B3GALNT2: variants seen among roughly 807,000 people sequenced by gnomAD.
The protein encoded by B3GALNT2 is beta-1,3-N-acetylgalactosaminyltransferase 2.
B3GALNT2 carries 53 observed loss-of-function variants against 61.1 expected under a neutral mutation model. The ratio of observed to expected loss-of-function variants is 0.87; its 90% CI spans 0.70 to 1.09. B3GALNT2 has a LOEUF of 1.09. B3GALNT2 is among the 50% of genes least tolerant of loss of function. B3GALNT2 has a pLI of 0.00. For missense variants in B3GALNT2, 544 were observed against 623.0 expected, an observed-to-expected ratio of 0.87 and a Z score of 1.35; for synonymous variants, 223 against 237.4, an observed-to-expected ratio of 0.94 and a Z score of 0.56.
chr1:235,442,814 T>C, downstream of B3GALNT2: 1 of 1,587,874 alleles, frequency 6.3e-7, no homozygotes, highest in Non-Finnish European at 8.6e-7. Flanking sequence ...CATATAATAG[T>C]AGATATCAAT....
At chr1:235,442,008 ATT>A in the B3GALNT2 span, 4,567 of 581,160 alleles carry the variant, frequency 7.9e-3, no homozygotes, top group Middle Eastern at 0.013. Flanking sequence ...TTAAATGAAA[ATT>A]TTTTTTTTTT....
rs1161880688 is a variant in B3GALNT2, at chr1:235,494,765, G to A, written c.176C>T (p.Ser59Leu). The part of the protein sequence containing the change: ...THYDVVVGVL[S>L]ARNNHELRNV... ...TCGAAGTTCATGGTTATTGCGAGCT[G>A]ACAACACGCCAACTACCACATCATA... Residue 59 changes from serine (S) to leucine (L), a missense_variant, in exon 2 of 12, where the codon TCA becomes TTA. Physicochemically the swap from Ser to Leu is moderately radical, Grantham distance 145. Coordinates refer to ENST00000366600, the MANE Select transcript of B3GALNT2 (RefSeq NM_152490.5). The A allele has an allele frequency of 6.2e-7, 1 of 1,611,696 alleles. No homozygotes were observed. Among genetic ancestry groups the A allele is most frequent in the Non-Finnish European group, 8.5e-7 (1 of 1,178,036 alleles).
chr1:235,492,674 G>A (rs916290789), intron 2 of B3GALNT2, among the ~76,000 whole-genome samples: 4 of 152,112 alleles, frequency 2.6e-5, no homozygotes, highest in African/African-American at 9.7e-5. Context: ...CAATACAGAT[G>A]CCAGCTGGTG....
chr1:235,480,820 C>T (rs1229558013), intron 4 of B3GALNT2, among the ~76,000 whole-genome samples: 3 of 137,038 alleles, frequency 2.2e-5, no homozygotes, highest in Non-Finnish European at 4.6e-5. Context: ...GCAGGAGAAT[C>T]GCTTGAACCC....
intron 4 of B3GALNT2, among the ~76,000 whole-genome samples, chr1:235,483,538 G>A (rs530324918): frequency 5.9e-5 from 9 of 152,200 alleles, no homozygotes; most frequent in Admixed American, 2.0e-4. Flanking sequence ...CTGGGAGGCC[G>A]AGAAGGGCAG....
At chr1:235,490,966 G>A (rs996499739) in intron 2 of B3GALNT2, among the ~76,000 whole-genome samples, 1 of 151,932 alleles carries the variant, frequency 6.6e-6, no homozygotes, top group African/African-American at 2.4e-5. Context: ...ATACAAATAA[G>A]GGTTTGGTTT....
the B3GALNT2 span, chr1:235,441,779 G>T: frequency 1.3e-6 from 2 of 1,592,594 alleles, no homozygotes; most frequent in East Asian, 2.2e-5. Context: ...AGTGGCCTTT[G>T]GTTTATCATT....
intron 5 of B3GALNT2, among the ~76,000 whole-genome samples, chr1:235,475,672 G>T (rs988129866): frequency 2.0e-5 from 3 of 152,044 alleles, no homozygotes; most frequent in African/African-American, 4.8e-5. Flanking sequence ...CAACAGGAGA[G>T]AATTTTTTTA....
At chr1:235,445,062 T>A (rs1682153038), downstream of B3GALNT2, among the ~76,000 whole-genome samples, 1 of 152,252 alleles carries the variant, frequency 6.6e-6, no homozygotes, top group Admixed American at 6.5e-5. Context: ...GCTGTTTTTA[T>A]TAATCTTTGG....
chr1:235,460,524 TG>T (rs887362906), intron 7 of B3GALNT2, among the ~76,000 whole-genome samples: 2 of 150,838 alleles, frequency 1.3e-5, no homozygotes, highest in South Asian at 4.2e-4. Context: ...TTCTGAGCAC[TG>T]GGTACCTGGC....
At chr1:235,467,497 T>G (rs1360235860) in intron 6 of B3GALNT2, among the ~76,000 whole-genome samples, 1 of 151,004 alleles carries the variant, frequency 6.6e-6, no homozygotes, top group Non-Finnish European at 1.5e-5. Context: ...TTTTTTTTTT[T>G]TTTTGAGACG....
intron 7 of B3GALNT2, chr1:235,464,850 A>C (rs1683611288): frequency 6.6e-6 from 1 of 152,240 alleles, no homozygotes; most frequent in African/African-American, 2.4e-5. Context: ...TATTATGGAA[A>C]TACGAATAAA....
chr1:235,452,060 T>C (rs992064278), intron 11 of B3GALNT2: 2 of 152,050 alleles, frequency 1.3e-5, no homozygotes, highest in Admixed American at 1.3e-4. Flanking sequence ...TCGCCCAGGC[T>C]GGAGTACAGT....
chr1:235,476,122 T>C (rs1018916914), intron 5 of B3GALNT2, among the ~76,000 whole-genome samples: 20 of 152,148 alleles, frequency 1.3e-4, no homozygotes, highest in Non-Finnish European at 2.9e-5. Context: ...TAACTAGACC[T>C]GGTGGCCAGG....
chr1:235,457,127 TAAATA>T (rs1683202345), intron 8 of B3GALNT2, among the ~76,000 whole-genome samples: 1 of 151,592 alleles, frequency 6.6e-6, no homozygotes, highest in Non-Finnish European at 1.5e-5. Flanking sequence ...AATAAATAAA[TAAATA>T]AATAAATAAT....
intron 7 of B3GALNT2, among the ~76,000 whole-genome samples, chr1:235,459,298 A>G (rs562181021): frequency 6.1e-4 from 93 of 152,330 alleles, no homozygotes; most frequent in African/African-American, 2.1e-3. Flanking sequence ...GACACCACAG[A>G]TATCAATTAT....
At chr1:235,484,248 C>T in intron 4 of B3GALNT2, 74 bp downstream of exon 4, 1 of 1,507,340 alleles carries the variant, frequency 6.6e-7, no homozygotes, top group Non-Finnish European at 8.8e-7. Context: ...AATCTACTTA[C>T]TGTATGTCAC....
downstream of B3GALNT2, among the ~76,000 whole-genome samples, chr1:235,447,012 C>T (rs541245292): frequency 6.6e-6 from 1 of 152,198 alleles, no homozygotes; most frequent in African/African-American, 2.4e-5. Flanking sequence ...CTTTTTGTTT[C>T]TGGCATGTGT....
downstream of B3GALNT2, chr1:235,443,119 T>A (rs950910677): frequency 2.3e-5 from 14 of 596,058 alleles, no homozygotes; most frequent in Non-Finnish European, 3.9e-5. Context: ...CCTAACTTTA[T>A]CAGCTGAAAG....
Sources: gnomAD v4.1 joint callset for allele counts (sites outside exome capture counted in the v4.1 genomes callset) on GRCh38, gnomAD v4.1.1 for gene constraint, MANE v1.5 for transcripts, NCBI Gene and HGNC (gene_info 2026-07-23, HGNC 2026-07-21) for gene names.